Variants in FCRL5 observed in about 807,000 individuals in gnomAD.
FCRL5 encodes the protein Fc receptor like 5.
Under a neutral mutation model 92.1 loss-of-function variants are expected in FCRL5, and 79 were observed. The ratio of observed to expected loss-of-function variants is 0.86; its 90% confidence interval spans 0.72 to 1.03. FCRL5 has a LOEUF of 1.03. FCRL5 is among the 50% of genes least tolerant of loss of function. FCRL5 has a pLI of 0.00. For synonymous variants in FCRL5, 466 were observed against 469.3 expected (o/e 0.99, Z 0.09); for missense variants, 1,160 against 1,181.1 (o/e 0.98, Z 0.26).
chr1:157,538,694 TG>T (rs762554303), intron 7 of FCRL5, among the ~76,000 whole-genome samples: 147 of 152,348 alleles, frequency 9.6e-4, no homozygotes, highest in African/African-American at 3.3e-3. Context: ...TGATGTCTGA[TG>T]TTAACTGGAC....
rs192786172 is a variant in FCRL5 at position 157,533,779 on chromosome 1, G to C, written c.1681+835C>G. The C allele has an allele frequency of 9.6e-4, 143 of 149,456 alleles. 2 individuals are homozygous for C. The Middle Eastern group carries it at 0.021, about 21-fold the overall frequency. The allele number at this position is 149,456 out of a possible 1,614,324, so 9.3% of individuals were successfully genotyped here. ...TGGGATGCAGAATGAGTGAAGTCTA[G>C]AAGCTTCCTAGTAGATTTGGCTCTG... On this transcript the variant is annotated intron_variant, in intron 8 of 16. Transcript: ENST00000361835.
intron 7 of FCRL5, among the ~76,000 whole-genome samples, chr1:157,538,125 T>C (rs1416627567): frequency 2.6e-5 from 4 of 152,232 alleles, no homozygotes; most frequent in Admixed American, 2.0e-4. Context: ...TTGATCATGA[T>C]GTCCCTGTCT....
In FCRL5 at chr1:157,551,740, TGATA is replaced by T. The variant is rs560007437; in HGVS notation, c.31+588_31+591del. On this transcript the variant is annotated intron_variant, in intron 1 of 16. Transcript: ENST00000361835. ...AATCAACCAGTTCGCACATATGAGTTGATAGAGACTTACGTACACCCACAGGGAC... is the reference window on the plus strand; with the variant it reads ...AATCAACCAGTTCGCACATATGAGTTGAGACTTACGTACACCCACAGGGAC... Among the ~76,000 whole-genome samples the T allele has an allele frequency of 2.9e-3, 440 of 152,370 alleles. 3 individuals are homozygous for T. Among genetic ancestry groups the T allele is most frequent in the African/African-American group, 9.6e-3 (400 of 41,594 alleles).
chr1:157,521,126 T>G lies in FCRL5; in HGVS notation c.2406A>C (p.Gly802=). ...TLGNRSSPSG[G]ASLNLSLTAE... is the part of the protein sequence containing the mutation. The stretch of plus-strand genomic sequence containing the variant: ...CAGTCAGAGAGAGGTTTAAGGACGC[T>G]CCTCCAGAGGGGGACGACCTATTTC... Residue 802 remains glycine (G), a synonymous_variant, in exon 11 of 17, where the codon GGA becomes GGC. Coordinates refer to ENST00000361835, the MANE Select transcript of FCRL5 (RefSeq NM_031281.3). 2.5e-6 allele frequency: 4 copies of G among 1,614,104 alleles called. No individual in the cohort carries two copies. Among genetic ancestry groups the G allele is most frequent in the South Asian group, 2.2e-5 (2 of 91,070 alleles).
intron 4 of FCRL5, 21 bp from the exon 5 acceptor site, chr1:157,544,567 A>C (rs762024585): frequency 6.2e-7 from 1 of 1,609,584 alleles, no homozygotes; most frequent in East Asian, 2.2e-5. Flanking sequence ...GAATCACAAC[A>C]GTCCCAGAGC....
intron 3 of FCRL5, among the ~76,000 whole-genome samples, 157 bp from the exon 4 acceptor site, chr1:157,545,239 T>C (rs1344745499): frequency 6.6e-6 from 1 of 152,196 alleles, no homozygotes; most frequent in African/African-American, 2.4e-5. Flanking sequence ...AATGAACACA[T>C]ACACCTTAAG....
Position 157,520,538 on chromosome 1 carries a change from G to A in FCRL5, c.2525C>T (p.Ala842Val), listed in dbSNP as rs956607793. ...TGTGGCAAAAGGGCCACTTCTGTTCGCGGTCAGCCCTGAGGGGGAGACCCT... is the reference window on the plus strand; with the variant it reads ...TGTGGCAAAAGGGCCACTTCTGTTCACGGTCAGCCCTGAGGGGGAGACCCT... Reference protein sequence around the residue: ...TVTLYITGLTANRSGPFATGV... With the variant: ...TVTLYITGLTVNRSGPFATGV... Residue 842 changes from alanine (A) to valine (V), a missense_variant, in exon 12 of 17, where the codon GCG (alanine) becomes GTG (valine). By Grantham distance (64) the Ala-to-Val change is moderately conservative. Coordinates refer to ENST00000361835, the MANE Select transcript of FCRL5 (RefSeq NM_031281.3). 6.3e-7 allele frequency: 1 copy of A among 1,584,338 alleles called. No individual in the cohort carries two copies. Among genetic ancestry groups the A allele is most frequent in the Middle Eastern group, 1.7e-4 (1 of 5,864 alleles).
intron 12 of FCRL5, 133 bp from the exon 13 acceptor site, chr1:157,519,903 C>T (rs1650098100): frequency 5.4e-6 from 5 of 927,838 alleles, no homozygotes; most frequent in Non-Finnish European, 8.5e-6. Flanking sequence ...TGTTATGCCC[C>T]AGGGAGGTAG....
intron 8 of FCRL5, among the ~76,000 whole-genome samples, chr1:157,529,599 G>GCA (rs1650598402): frequency 2.3e-5 from 3 of 131,720 alleles, no homozygotes; most frequent in Admixed American, 7.0e-5. Flanking sequence ...ATACGCATGT[G>GCA]TGTGTGTGTG....
rs1381022246 is a variant in FCRL5 at position 157,534,903 on chromosome 1, G to A, written c.1403-11C>T. ...GATGAGACACAGGGACTGAGGAAGA[G>A]AAAGATTGAATCAAGAGTTGCTTTT... On this transcript the variant is annotated splice_polypyrimidine_tract_variant and intron_variant, in intron 7 of 16. Transcript: ENST00000361835. 5.3e-6 allele frequency: 8 copies of A among 1,518,652 alleles called. No homozygotes were observed. The highest frequency in any genetic ancestry group is 1.4e-5 in the African/African-American group (1 of 71,694). 94.1% of individuals were successfully genotyped at this position (1,518,652 alleles called of 1,614,324 possible).
At chr1:157,552,014 A>G (rs972470163) in intron 1 of FCRL5, among the ~76,000 whole-genome samples, 2 of 152,218 alleles carry the variant, frequency 1.3e-5, no homozygotes, top group African/African-American at 2.4e-5. Flanking sequence ...TATGAGTAAG[A>G]CAATATGAAC....
At chr1:157,530,198 A>G (rs1249633833) in intron 8 of FCRL5, among the ~76,000 whole-genome samples, 1 of 152,174 alleles carries the variant, frequency 6.6e-6, no homozygotes, top group Non-Finnish European at 1.5e-5. Context: ...CTGGTCTACA[A>G]CCTGCTTTTT....
chr1:157,540,134 T>C (rs141474810), intron 6 of FCRL5, among the ~76,000 whole-genome samples: 682 of 152,364 alleles, frequency 4.5e-3, no homozygotes, highest in Non-Finnish European at 8.6e-3. Flanking sequence ...TCTACCCACC[T>C]GCAGGGTGAC....
rs1649856865 is a variant in FCRL5 at position 157,515,047 on chromosome 1, T to G, written c.*628A>C. 1 of 157,142 alleles carries G rather than the reference T, an allele frequency of 6.4e-6. No homozygotes were observed. The highest frequency in any genetic ancestry group is 2.4e-5 in the African/African-American group (1 of 41,480). The allele number at this position is 157,142 out of a possible 1,614,324, so 9.7% of individuals were successfully genotyped here. A position where few individuals can be genotyped will look rare whatever the true frequency, so the allele number is the denominator to read the frequency against. On this transcript the variant is annotated 3_prime_UTR_variant, in exon 17 of 17. Transcript: ENST00000361835. ...TATGAAAGCCACTTACTTGGGCAGGTAGACACTGACACATGAGCAGGAGAG... is the reference window on the plus strand; with the variant it reads ...TATGAAAGCCACTTACTTGGGCAGGGAGACACTGACACATGAGCAGGAGAG...
intron 12 of FCRL5, among the ~76,000 whole-genome samples, 155 bp from the exon 13 acceptor site, chr1:157,519,925 A>G (rs1650098939): frequency 6.6e-6 from 1 of 152,180 alleles, no homozygotes; most frequent in South Asian, 2.1e-4. Context: ...AGATTGGGCA[A>G]AAACTACTGA....
Position 157,520,525 on chromosome 1 carries a change from G to T in FCRL5, c.2538C>A (p.Gly846=), listed in dbSNP as rs1650130080. 1.9e-6 allele frequency: 3 copies of T among 1,581,846 alleles called. No homozygotes were observed. The highest frequency in any genetic ancestry group is 2.6e-6 in the Non-Finnish European group (3 of 1,163,904). ...CCCCGGCGACTCCTGTGGCAAAAGG[G>T]CCACTTCTGTTCGCGGTCAGCCCTG... ...YITGLTANRS[G]PFATGVAGGL... Residue 846 remains glycine (G), a synonymous_variant, in exon 12 of 17, where the codon GGC becomes GGA. Transcript: ENST00000361835.
rs1651351050 is a variant in FCRL5, at chr1:157,543,132, C to G, written c.850G>C (p.Ala284Pro). 2.5e-6 allele frequency: 4 copies of G among 1,613,262 alleles called. No homozygotes were observed. The highest frequency in any genetic ancestry group is 3.4e-6 in the Non-Finnish European group (4 of 1,179,630). Residue 284 changes from alanine to proline, a missense_variant, in exon 6 of 17, where the codon GCA becomes CCA. Coordinates refer to ENST00000361835, the MANE Select transcript of FCRL5 (RefSeq NM_031281.3). ...CTGAGAGTGAGGACAGGATGAGATG[C>G]AGGGACTGAGCAAGAGAAAAAATTA... ...PRSWIQVQIP[A>P]SHPVLTLSPE...
At chr1:157,519,987 T>C (rs1419726203) in intron 12 of FCRL5, among the ~76,000 whole-genome samples, 2 of 152,196 alleles carry the variant, frequency 1.3e-5, no homozygotes, top group African/African-American at 2.4e-5. Context: ...CAATCCGTAA[T>C]CCTTTAACCT....
chr1:157,516,544 T>C (rs568940584), intron 15 of FCRL5, among the ~76,000 whole-genome samples: 17 of 152,248 alleles, frequency 1.1e-4, no homozygotes, highest in Non-Finnish European at 2.1e-4. Flanking sequence ...ATGCCATAGT[T>C]CTATATAAGT....
Sources: allele counts gnomAD v4.1 joint callset (sites outside exome capture counted in the v4.1 genomes callset), GRCh38; gene constraint gnomAD v4.1.1; transcripts MANE v1.5; gene names NCBI Gene and HGNC (gene_info 2026-07-23, HGNC 2026-07-21).